SPATA45: variants seen among roughly 807,000 people sequenced by gnomAD.
SPATA45 encodes the protein spermatogenesis associated 45, also known as spermatogenesis-associated protein 45.
SPATA45 carries 5 observed loss-of-function variants against 7.0 expected under a neutral mutation model. The ratio of observed to expected loss-of-function variants is 0.71; its 90% CI spans 0.37 to 1.50. The LOEUF (loss-of-function observed/expected upper bound fraction) is 1.50, where lower values mean the gene tolerates loss of function less well. Among genes scored for constraint, SPATA45 ranks in the 40% most tolerant of loss-of-function variants. The pLI, the probability that SPATA45 is intolerant of heterozygous loss-of-function variation, is 0.03. For synonymous variants in SPATA45, 40 were observed against 38.7 expected (o/e 1.03, Z -0.13); for missense variants, 111 against 114.9 (o/e 0.97, Z 0.16).
intron 1 of SPATA45, among the ~76,000 whole-genome samples, chr1:212,843,219 G>A (rs1249013850): frequency 2.0e-5 from 3 of 151,606 alleles, no homozygotes; most frequent in Admixed American, 6.6e-5. Context: ...GAACTCCAGC[G>A]GCAGAGGTTG....
intron 2 of SPATA45, among the ~76,000 whole-genome samples, chr1:212,834,446 T>G (rs1227105058): frequency 6.7e-6 from 1 of 149,972 alleles, no homozygotes; most frequent in Non-Finnish European, 1.5e-5. Flanking sequence ...CCCAACAACC[T>G]TCGTCCACTT....
intron 1 of SPATA45, among the ~76,000 whole-genome samples, chr1:212,839,274 G>A (rs1304481338): frequency 6.7e-5 from 10 of 148,358 alleles, no homozygotes; most frequent in Admixed American, 2.0e-4. Context: ...AAAAAAAAAA[G>A]CCAGACAAAT....
At chr1:212,842,347 C>T (rs1002886460) in intron 1 of SPATA45, among the ~76,000 whole-genome samples, 8 of 151,922 alleles carry the variant, frequency 5.3e-5, no homozygotes, top group Admixed American at 3.9e-4. Flanking sequence ...CATTGCACTC[C>T]AGCCTGGGGG....
At chr1:212,840,271 G>A (rs147911510) in intron 1 of SPATA45, among the ~76,000 whole-genome samples, 2,766 of 151,902 alleles carry the variant, frequency 0.018, 94 homozygotes, top group Non-Finnish European at 0.029. Context: ...TTAGCCGGGC[G>A]TGGTGGCGCG....
chr1:212,833,915 C>T (rs533587237), intron 2 of SPATA45, among the ~76,000 whole-genome samples: 1 of 151,970 alleles, frequency 6.6e-6, no homozygotes, highest in Admixed American at 6.6e-5. Flanking sequence ...GCCATGCCTT[C>T]CTCACTAAGC....
intron 2 of SPATA45, among the ~76,000 whole-genome samples, chr1:212,834,273 G>A (rs191632708): frequency 1.3e-5 from 2 of 151,552 alleles, no homozygotes; most frequent in East Asian, 3.9e-4. Flanking sequence ...TATTAGATAT[G>A]ATTACACACC....
chr1:212,841,601 T>G (rs1054075734), intron 1 of SPATA45, among the ~76,000 whole-genome samples: 7 of 151,448 alleles, frequency 4.6e-5, no homozygotes, highest in African/African-American at 1.7e-4. Flanking sequence ...CAATTTTTCT[T>G]TCCTAAATAA....
At chr1:212,842,815 G>A (rs1204096832) in intron 1 of SPATA45, among the ~76,000 whole-genome samples, 3 of 152,024 alleles carry the variant, frequency 2.0e-5, no homozygotes, top group Admixed American at 6.6e-5. Context: ...TCGGCTGGGC[G>A]TGGTGGCTCA....
intron 1 of SPATA45, among the ~76,000 whole-genome samples, chr1:212,841,631 C>CTTTTTTTTTTTTTTTTT (rs5780702): frequency 8.0e-6 from 1 of 125,224 alleles, no homozygotes; most frequent in Non-Finnish European, 1.7e-5. Flanking sequence ...AGGTATCTTT[C>CTTTTTTTTTTTTTTTTT]TTTTTTTTTT....
intron 2 of SPATA45, among the ~76,000 whole-genome samples, chr1:212,830,540 C>G (rs535816486): frequency 6.7e-6 from 1 of 149,542 alleles, no homozygotes; most frequent in Non-Finnish European, 1.5e-5. Flanking sequence ...GGCGTCGTGG[C>G]GCGCTCCTGT....
At chr1:212,831,153 TAA>T (rs35097122) in intron 2 of SPATA45, among the ~76,000 whole-genome samples, 1 of 138,142 alleles carries the variant, frequency 7.2e-6, no homozygotes, top group Non-Finnish European at 1.6e-5. Context: ...CTCAATAAAT[TAA>T]AAAAAAAAAA....
chr1:212,845,367 T>C (rs896615159), intron 1 of SPATA45, among the ~76,000 whole-genome samples: 9 of 152,114 alleles, frequency 5.9e-5, no homozygotes, highest in African/African-American at 2.2e-4. Context: ...CTAAAATACC[T>C]CTTGGTCTGG....
At chr1:212,836,606 C>T (rs574817954) in intron 1 of SPATA45, among the ~76,000 whole-genome samples, 1 of 151,716 alleles carries the variant, frequency 6.6e-6, no homozygotes, top group South Asian at 2.1e-4. Context: ...GCTGGGATTA[C>T]AGGTGTCAGC....
intron 1 of SPATA45, among the ~76,000 whole-genome samples, chr1:212,846,433 C>T (rs1371305869): frequency 1.3e-5 from 2 of 152,140 alleles, no homozygotes; most frequent in African/African-American, 4.8e-5. Context: ...GTGACCTGTA[C>T]GTATACATCT....
At chr1:212,838,491 A>G (rs1484620363) in intron 1 of SPATA45, among the ~76,000 whole-genome samples, 1 of 151,604 alleles carries the variant, frequency 6.6e-6, no homozygotes, top group Non-Finnish European at 1.5e-5. Context: ...AAATGGAACA[A>G]TGTCTGGAAA....
At chr1:212,832,007 T>A (rs1233126359) in intron 2 of SPATA45, among the ~76,000 whole-genome samples, 1 of 141,022 alleles carries the variant, frequency 7.1e-6, no homozygotes, top group East Asian at 2.2e-4. Context: ...TGATCGGACA[T>A]TTACTTCCTT....
chr1:212,831,433 A>G (rs1183612431), intron 2 of SPATA45, among the ~76,000 whole-genome samples: 5 of 149,674 alleles, frequency 3.3e-5, no homozygotes, highest in Non-Finnish European at 6.0e-5. Flanking sequence ...TGATCACACC[A>G]CTGCGCTCCA....
intron 2 of SPATA45, among the ~76,000 whole-genome samples, chr1:212,830,898 A>G (rs752202965): frequency 6.0e-5 from 9 of 149,066 alleles, no homozygotes; most frequent in Non-Finnish European, 1.3e-4. Flanking sequence ...AGGAGAAATC[A>G]GTTGAACCCG....
intron 1 of SPATA45, among the ~76,000 whole-genome samples, chr1:212,839,747 G>A (rs1663647629): frequency 6.6e-6 from 1 of 151,620 alleles, no homozygotes; most frequent in South Asian, 2.1e-4. Flanking sequence ...AATAAACTTT[G>A]GGGCTGATGA....
Sources: gnomAD v4.1 joint callset for allele counts (sites outside exome capture counted in the v4.1 genomes callset) on GRCh38, gnomAD v4.1.1 for gene constraint, MANE v1.5 for transcripts, NCBI Gene and HGNC (gene_info 2026-07-23, HGNC 2026-07-21) for gene names.